ZNF236: variants seen among roughly 807,000 people sequenced by gnomAD.
ZNF236 encodes the protein regulated by glucose.
In ZNF236, 50 loss-of-function variants were observed where a neutral mutation model predicts 191.2. The observed-to-expected ratio is 0.26, with a 90% CI of 0.21 to 0.33. The LOEUF (loss-of-function observed/expected upper bound fraction) is 0.33. ZNF236 is among the 10% of genes least tolerant of loss of function. ZNF236 has a pLI of 1.00. For missense variants in ZNF236, 1,754 were observed against 2,374.5 expected (o/e 0.74, Z 5.43); for synonymous variants, 907 against 928.8 (o/e 0.98, Z 0.43).
At chr18:76,842,751 CAAA>C (rs547978801) in intron 1 of ZNF236, among the ~76,000 whole-genome samples, 2 of 123,092 alleles carry the variant, frequency 1.6e-5, no homozygotes, top group Non-Finnish European at 1.7e-5. Flanking sequence ...AACTCTGTCT[CAAA>C]AAAAAAAAAA....
At position 76,880,293 on chromosome 18, in the gene ZNF236, G is replaced by A; in HGVS notation, c.1165G>A (p.Gly389Ser). 6.2e-7 allele frequency: 1 copy of A among 1,613,196 alleles called. No homozygotes were observed. Among genetic ancestry groups the A allele is most frequent in the Non-Finnish European group, 8.5e-7 (1 of 1,179,434 alleles). ...QPGQQLSITV[G>S]INQDILQQAL... ...TGGGCAGCAGCTGAGCATCACAGTG[G>A]GCATCAACCAGGACATTTTACAGGT... The change falls in exon 8 of 31, where the codon GGC (glycine) becomes AGC (serine). Residue 389 changes from glycine (G) to serine (S), a missense_variant. Coordinates refer to ENST00000320610, the MANE Select transcript of ZNF236 (RefSeq NM_001306089.2). The surrounding 1 kb of genome is among the most constrained non-coding windows in gnomAD (Gnocchi z 5.0).
intron 1 of ZNF236, among the ~76,000 whole-genome samples, chr18:76,826,242 A>G (rs1975015332): frequency 6.7e-6 from 1 of 149,340 alleles, no homozygotes; most frequent in Non-Finnish European, 1.5e-5. Context: ...CTCCCGAGTA[A>G]CTGGTATTAC....
In ZNF236 at chr18:76,910,679, G is replaced by T; in HGVS notation, c.2673G>T (p.Thr891=). Residue 891 remains threonine (T), a synonymous_variant, in exon 16 of 31, where the codon ACG becomes ACT. Transcript: ENST00000320610. The part of the protein sequence containing the change: ...GLPQGFTVTD[T]YHQQPQFPPV... ...TTTTAGGTTTTACAGTGACTGATAC[G>T]TACCATCAGCAGCCTCAGTTTCCAC... 6.2e-7 allele frequency: 1 copy of T among 1,613,898 alleles called. No homozygotes were observed. Among genetic ancestry groups the T allele is most frequent in the East Asian group, 2.2e-5 (1 of 44,878 alleles).
intron 10 of ZNF236, among the ~76,000 whole-genome samples, chr18:76,896,006 C>T (rs948620668): frequency 5.9e-5 from 9 of 151,884 alleles, no homozygotes; most frequent in Non-Finnish European, 1.3e-4. Context: ...CCACAGGGAC[C>T]GTACACAGTA....
chr18:76,823,315 T>C (rs931986159), intron 1 of ZNF236, among the ~76,000 whole-genome samples: 1 of 151,584 alleles, frequency 6.6e-6, no homozygotes, highest in African/African-American at 2.4e-5. Context: ...GCCATTGTGA[T>C]CCGGGAACTT....
chr18:76,905,059 T>A, intron 12 of ZNF236, 96 bp from the exon 13 acceptor site: 1 of 1,264,924 alleles, frequency 7.9e-7, no homozygotes, highest in Non-Finnish European at 1.1e-6. Context: ...AAAAATGTGA[T>A]GATGAAGTGA....
rs376043296 is a variant in ZNF236, at chr18:76,919,854, C to T, written c.3353C>T (p.Thr1118Met). Reference sequence around the variant, plus strand: ...TCTCGTCCTGAGGTCATCACTTTCACGGAGGAGGAGACAGCCCAGTTAGCC... The same window carrying T: ...TCTCGTCCTGAGGTCATCACTTTCATGGAGGAGGAGACAGCCCAGTTAGCC... ...RKSRPEVITF[T>M]EEETAQLAKI... The change falls in exon 20 of 31, where the codon ACG becomes ATG. Residue 1118 changes from threonine to methionine, a missense_variant. By Grantham distance (81) the Thr-to-Met change is moderately conservative. This residue lies in a region of ZNF236 where 641 missense variants were observed against 869.6 expected (regional missense o/e 0.74). Transcript: ENST00000320610. This position sits in a 1 kb window ranked among gnomAD's most constrained non-coding sequence, Gnocchi z 5.3. The T allele has an allele frequency of 2.5e-6, 4 of 1,614,082 alleles. No homozygotes were observed. Among genetic ancestry groups the T allele is most frequent in the East Asian group, 2.2e-5 (1 of 44,898 alleles).
intron 10 of ZNF236, among the ~76,000 whole-genome samples, chr18:76,895,629 A>G (rs1977382378): frequency 6.7e-6 from 1 of 148,416 alleles, no homozygotes; most frequent in Admixed American, 6.7e-5. Flanking sequence ...AGTATGCAAC[A>G]GGGCACTGTG....
At chr18:76,887,610 G>A (rs542844157) in intron 9 of ZNF236, 2 of 152,318 alleles carry the variant, frequency 1.3e-5, no homozygotes, top group East Asian at 1.9e-4. Flanking sequence ...ATAAAGGAAA[G>A]AGGTTTAATT....
At chr18:76,948,868 C>T (rs2122923750) in intron 27 of ZNF236, among the ~76,000 whole-genome samples, 1 of 152,334 alleles carries the variant, frequency 6.6e-6, no homozygotes, top group Non-Finnish European at 1.5e-5. Flanking sequence ...GAAACAAAAA[C>T]AGGCCTTCAC....
chr18:76,906,929 T>C (rs944468194), intron 13 of ZNF236, among the ~76,000 whole-genome samples: 1 of 152,136 alleles, frequency 6.6e-6, no homozygotes, highest in Non-Finnish European at 1.5e-5. Flanking sequence ...ATGCTAAAGA[T>C]AGGTAAAGAA....
intron 5 of ZNF236, among the ~76,000 whole-genome samples, chr18:76,872,544 G>T (rs1278159706): frequency 6.6e-6 from 1 of 152,146 alleles, no homozygotes; most frequent in East Asian, 1.9e-4. Flanking sequence ...TTATAATTTT[G>T]CCTTCACTAC....
At chr18:76,828,014 T>C (rs1213893163) in intron 1 of ZNF236, among the ~76,000 whole-genome samples, 1 of 152,174 alleles carries the variant, frequency 6.6e-6, no homozygotes, top group East Asian at 1.9e-4. Context: ...TTAGTTCATT[T>C]CCAGAGAGCG....
chr18:76,843,192 G>A (rs893101059), intron 1 of ZNF236, among the ~76,000 whole-genome samples: 1 of 152,180 alleles, frequency 6.6e-6, no homozygotes, highest in Non-Finnish European at 1.5e-5. Context: ...TTTTGAGGTG[G>A]AGAGCATGAG....
intron 2 of ZNF236, among the ~76,000 whole-genome samples, chr18:76,850,247 G>C (rs71360982): frequency 6.6e-6 from 1 of 152,174 alleles, no homozygotes. Context: ...CTTTTCTCTA[G>C]GTAGGAGCAT....
chr18:76,894,657 T>C (rs553951732), intron 9 of ZNF236, among the ~76,000 whole-genome samples: 2 of 152,324 alleles, frequency 1.3e-5, no homozygotes, highest in Admixed American at 1.3e-4. Context: ...TAAATACTTA[T>C]TCCAGTGTCA....
At chr18:76,913,938 G>T in intron 18 of ZNF236, 40 bp downstream of exon 18, 4 of 1,604,694 alleles carry the variant, frequency 2.5e-6, no homozygotes, top group Non-Finnish European at 3.4e-6. Flanking sequence ...GTCCTTTAAA[G>T]AAAAAAGCTT....
rs555411978 is a variant in ZNF236, at chr18:76,910,134, C to T, written c.2618C>T (p.Ala873Val). Reference protein sequence around the residue: ...HVDQFEEQSPAQQSFEPAGLP... With the variant: ...HVDQFEEQSPVQQSFEPAGLP... Reference sequence around the variant, plus strand: ...GACCAGTTTGAAGAGCAGAGCCCTGCGCAACAGTCCTTCGAACCAGCAGGG... The same window carrying T: ...GACCAGTTTGAAGAGCAGAGCCCTGTGCAACAGTCCTTCGAACCAGCAGGG... Residue 873 changes from alanine (A) to valine (V), a missense_variant, in exon 15 of 31, where the codon GCG becomes GTG. This residue lies in a region of ZNF236 where 641 missense variants were observed against 869.6 expected (regional missense o/e 0.74). Transcript: ENST00000320610. The T allele has an allele frequency of 1.2e-5, 20 of 1,613,298 alleles. No individual in the cohort carries two copies. The highest frequency in any genetic ancestry group is 7.7e-5 in the South Asian group (7 of 91,074).
At chr18:76,912,582 TTG>T in intron 17 of ZNF236, among the ~76,000 whole-genome samples, 1 of 152,364 alleles carries the variant, frequency 6.6e-6, no homozygotes, top group East Asian at 1.9e-4. Context: ...AGTCTTCAGT[TTG>T]TCTGTTTGAA....
Sources: allele counts gnomAD v4.1 joint callset (sites outside exome capture counted in the v4.1 genomes callset), GRCh38; gene constraint gnomAD v4.1.1; regional missense constraint gnomAD v4.1.1; non-coding constraint Gnocchi (gnomAD v3.1); transcripts MANE v1.5; gene names NCBI Gene and HGNC (gene_info 2026-07-23, HGNC 2026-07-21).